Variants in STAB2 observed in about 807,000 individuals in gnomAD.
STAB2 encodes stabilin-2.
STAB2 carries 288 observed loss-of-function variants against 338.1 expected under a neutral mutation model. That is an observed-to-expected ratio of 0.85 (90% confidence interval 0.77 to 0.94). STAB2 has a LOEUF of 0.94. STAB2 is among the 40% of genes least tolerant of loss of function. The pLI is 0.00. For synonymous variants in STAB2, 1,202 were observed against 1,193.3 expected, an observed-to-expected ratio of 1.01 and a Z score of -0.15; for missense variants, 3,141 against 3,210.1, an observed-to-expected ratio of 0.98 and a Z score of 0.52.
At chr12:103,620,926 G>A (rs1043607277) in intron 4 of STAB2, among the ~76,000 whole-genome samples, 4 of 152,002 alleles carry the variant, frequency 2.6e-5, no homozygotes, top group East Asian at 1.9e-4. Context: ...GTGAAACCCC[G>A]TCTCCACTAA....
chr12:103,705,113 A>G (rs1397098273), intron 36 of STAB2: 1 of 157,208 alleles, frequency 6.4e-6, no homozygotes, highest in African/African-American at 2.4e-5. Flanking sequence ...ATACTCATGT[A>G]CCTTCAACAG....
intron 34 of STAB2, among the ~76,000 whole-genome samples, chr12:103,700,141 T>C (rs187104100): frequency 1.8e-4 from 27 of 152,356 alleles, no homozygotes; most frequent in African/African-American, 6.0e-4. Flanking sequence ...TTACAATTCA[T>C]AGAAAAGAAT....
intron 34 of STAB2, among the ~76,000 whole-genome samples, chr12:103,701,560 A>G (rs1263710294): frequency 2.0e-5 from 3 of 152,252 alleles, no homozygotes; most frequent in Non-Finnish European, 4.4e-5. Context: ...TTCTCTGAAT[A>G]TACCTCAGAA....
At chr12:103,709,278 T>C (rs7310585) in intron 39 of STAB2, among the ~76,000 whole-genome samples, 40,870 of 151,992 alleles carry the variant, frequency 0.27, 7,829 homozygotes, top group African/African-American at 0.54. Context: ...AATCAAAGGA[T>C]TGCAGAATGA....
chr12:103,727,119 G>T (rs932458838), intron 46 of STAB2, 148 bp from the exon 47 acceptor site: 2 of 737,180 alleles, frequency 2.7e-6, no homozygotes, highest in Non-Finnish European at 4.7e-6. Context: ...CGGAGAATCT[G>T]GGTTTCATTT....
At chr12:103,601,551 C>A (rs1956954629) in intron 3 of STAB2, among the ~76,000 whole-genome samples, 1 of 152,176 alleles carries the variant, frequency 6.6e-6, no homozygotes, top group Admixed American at 6.5e-5. Flanking sequence ...AAGATCGCGT[C>A]AATGCACTCC....
Position 103,745,351 on chromosome 12 carries a change from T to C in STAB2, c.6136+74T>C, listed in dbSNP as rs566830907. On this transcript the variant is annotated intron_variant, in intron 57 of 68. Coordinates refer to ENST00000388887, the MANE Select transcript of STAB2 (RefSeq NM_017564.10). ...CACTGCCAAGAGCATACAAGTGAGG[T>C]TGGGAGTCTGAGTGACATCTGAAAA... is the stretch of plus-strand genomic sequence containing the variant. The C allele has an allele frequency of 2.0e-5, 27 of 1,369,470 alleles. 2 individuals are homozygous for C. The highest frequency in any genetic ancestry group is 8.7e-5 in the African/African-American group (6 of 68,834). 84.8% of individuals were successfully genotyped at this position (1,369,470 alleles called of 1,614,324 possible).
In STAB2 at chr12:103,737,628, T is replaced by TTTTTTTTG; in HGVS notation, c.5551-6_5551-5insTTTTTTTG. ...TCTCTTTTTTTTTTTTTTTTTTCTT[T>TTTTTTTTG]CTTAGGGTGACCTCTTTCTGAATGG... On this transcript the variant is annotated splice_region_variant and splice_polypyrimidine_tract_variant and intron_variant, in intron 52 of 68. Transcript: ENST00000388887. 6.5e-7 allele frequency: 1 copy of TTTTTTTTG among 1,548,516 alleles called. No individual in the cohort carries two copies. Among genetic ancestry groups the TTTTTTTTG allele is most frequent in the South Asian group, 1.2e-5 (1 of 86,302 alleles).
rs144555165 is a variant in STAB2 at position 103,759,186 on chromosome 12, C to T, written c.7161C>T (p.Phe2387=). 2 of 1,614,062 alleles carry T rather than the reference C, an allele frequency of 1.2e-6. No individual in the cohort carries two copies. Among genetic ancestry groups the T allele is most frequent in the Non-Finnish European group, 1.7e-6 (2 of 1,180,046 alleles). The stretch of plus-strand genomic sequence containing the variant: ...ACCTCGCCAATGTCAGCATGTTTTT[C>T]TACAATGACCTTGTCAATGGCACCA... ...EHHLANVSMF[F]YNDLVNGTTL... The change falls in exon 65 of 69, where the codon TTC becomes TTT. Residue 2387 remains phenylalanine, a synonymous_variant. Transcript: ENST00000388887.
intron 1 of STAB2, among the ~76,000 whole-genome samples, 193 bp downstream of exon 1, chr12:103,587,750 T>G (rs1956733863): frequency 6.6e-6 from 1 of 152,214 alleles, no homozygotes; most frequent in Non-Finnish European, 1.5e-5. Flanking sequence ...TTGTTGCTCT[T>G]CCTGTACTGA....
chr12:103,754,961 A>AAAAT, intron 61 of STAB2: 1 of 218,846 alleles, frequency 4.6e-6, no homozygotes, highest in Non-Finnish European at 9.1e-6. Context: ...AAAAAAAAAA[A>AAAAT]TTTGAGTTCT....
intron 33 of STAB2, among the ~76,000 whole-genome samples, chr12:103,697,892 G>A (rs1164772410): frequency 1.3e-5 from 2 of 152,162 alleles, no homozygotes; most frequent in African/African-American, 4.8e-5. Context: ...TATTCAGCTG[G>A]TGCTGGTGTC....
At chr12:103,715,774 G>T in intron 42 of STAB2, 41 bp from the exon 43 acceptor site, 1 of 1,612,516 alleles carries the variant, frequency 6.2e-7, no homozygotes, top group South Asian at 1.1e-5. Context: ...TTGGAAACCA[G>T]ACTGGATTTC....
In STAB2 at chr12:103,749,069, C is replaced by T. The variant is rs141360939; in HGVS notation, c.6351C>T (p.Asp2117=). The T allele has an allele frequency of 9.7e-5, 156 of 1,614,118 alleles. No homozygotes were observed. Among genetic ancestry groups the T allele is most frequent in the African/African-American group, 8.8e-4 (66 of 75,030 alleles). ...SCSCQKGYKG[D]GHSCTEIDPC... ...GCTGCCAGAAGGGATACAAAGGGGA[C>T]GGGCACAGCTGCACAGAGATAGACC... The change falls in exon 59 of 69, where the codon GAC becomes GAT. Residue 2117 remains aspartate, a synonymous_variant. Transcript: ENST00000388887.
chr12:103,756,996 A>AATATATATAT (rs869105400), intron 63 of STAB2, among the ~76,000 whole-genome samples: 431 of 56,090 alleles, frequency 7.7e-3, no homozygotes, highest in African/African-American at 0.016. Context: ...AAGGAGGGAA[A>AATATATATAT]ATATATATAT....
rs574242294 is a variant in STAB2, at chr12:103,632,819, G to T, written c.583+1126G>T. ...AAACTTAACATCGACCTGTGAAGGA[G>T]AAACTCACAGGATGGCAGAGCCGGG... is the stretch of plus-strand genomic sequence containing the variant. On this transcript the variant is annotated intron_variant, in intron 6 of 68. Coordinates refer to ENST00000388887, the MANE Select transcript of STAB2 (RefSeq NM_017564.10). Among the ~76,000 whole-genome samples the T allele has an allele frequency of 1.7e-3, 254 of 152,302 alleles. 1 individual carries two copies. Among genetic ancestry groups the T allele is most frequent in the African/African-American group, 5.8e-3 (243 of 41,544 alleles).
At chr12:103,738,244 A>G (rs1882311991) in intron 53 of STAB2, among the ~76,000 whole-genome samples, 1 of 152,164 alleles carries the variant, frequency 6.6e-6, no homozygotes, top group East Asian at 1.9e-4. Context: ...TCACACCTCT[A>G]TTCACTTACC....
At chr12:103,667,571 A>G (rs144295562) in intron 19 of STAB2, among the ~76,000 whole-genome samples, 164 of 152,294 alleles carry the variant, frequency 1.1e-3, no homozygotes, top group Non-Finnish European at 1.2e-3. Flanking sequence ...AATTAGACAC[A>G]TGGGTAGGAG....
intron 50 of STAB2, among the ~76,000 whole-genome samples, chr12:103,731,963 T>A (rs1302784932): frequency 6.6e-6 from 1 of 152,176 alleles, no homozygotes; most frequent in Non-Finnish European, 1.5e-5. Flanking sequence ...AGATGGGGAA[T>A]TTGCATGGGA....
Sources: allele counts gnomAD v4.1 joint callset (sites outside exome capture counted in the v4.1 genomes callset), GRCh38; gene constraint gnomAD v4.1.1; transcripts MANE v1.5; gene names NCBI Gene and HGNC (gene_info 2026-07-23, HGNC 2026-07-21).